Variants in C2orf72 observed in about 807,000 individuals in gnomAD.
C2orf72 encodes chromosome 2 open reading frame 72, also known as uncharacterized protein C2orf72.
A neutral mutation model predicts 14.4 loss-of-function variants in C2orf72; 16 were observed. That is an observed-to-expected ratio of 1.11 (90% confidence interval 0.75 to 1.69). The LOEUF (loss-of-function observed/expected upper bound fraction) is 1.69, where lower values mean the gene tolerates loss of function less well. Among genes scored for constraint, C2orf72 ranks in the 40% most tolerant of loss-of-function variants. C2orf72 has a pLI of 0.00. For synonymous variants in C2orf72, 168 were observed against 176.8 expected (o/e 0.95, Z 0.40); for missense variants, 371 against 358.3 (o/e 1.04, Z -0.29).
rs1404338735 is a variant in C2orf72, at chr2:231,048,923, T to A, written c.*1902T>A. 6.6e-6 allele frequency: 1 copy of A among 152,272 alleles called. No homozygotes were observed. Among genetic ancestry groups the A allele is most frequent in the African/African-American group, 2.4e-5 (1 of 41,476 alleles). The allele number at this position is 152,272 out of a possible 1,614,324, so 9.4% of individuals were successfully genotyped here. On this transcript the variant is annotated 3_prime_UTR_variant, in exon 3 of 3. Coordinates refer to ENST00000373640, the MANE Select transcript of C2orf72 (RefSeq NM_001144994.2). The stretch of plus-strand genomic sequence containing the variant: ...TCTTTGTAATCATCTTATTAAAGTT[T>A]TCTTATTTAGTGGGAGAGGGAGCTT...
At chr2:231,045,292 G>T (rs866407) in intron 2 of C2orf72, among the ~76,000 whole-genome samples, 101,984 of 150,714 alleles carry the variant, frequency 0.68, 35,301 homozygotes, top group Non-Finnish European at 0.76. Flanking sequence ...TATATATATA[G>T]AGAGAGAGAG....
chr2:231,042,936 G>A (rs1379734925), intron 2 of C2orf72, among the ~76,000 whole-genome samples: 7 of 152,354 alleles, frequency 4.6e-5, no homozygotes, highest in African/African-American at 1.7e-4. Flanking sequence ...CCCCGGAGGT[G>A]GAGGTTGCAG....
chr2:231,044,257 A>G (rs1693381135), intron 2 of C2orf72, among the ~76,000 whole-genome samples: 1 of 152,244 alleles, frequency 6.6e-6, no homozygotes, highest in Non-Finnish European at 1.5e-5. Flanking sequence ...TAAACGCAGT[A>G]CACTTAGGCT....
chr2:231,037,709 G>C lies in C2orf72; in HGVS notation c.144G>C (p.Leu48=). 9 of 1,028,312 alleles carry C rather than the reference G, an allele frequency of 8.8e-6. No homozygotes were observed. Among genetic ancestry groups the C allele is most frequent in the Non-Finnish European group, 1.0e-5 (9 of 859,352 alleles). 63.7% of individuals were successfully genotyped at this position (1,028,312 alleles called of 1,614,324 possible). A position where few individuals can be genotyped will look rare whatever the true frequency, so the allele number is the denominator to read the frequency against. Residue 48 remains leucine (L), a synonymous_variant, in exon 1 of 3, where the codon CTG becomes CTC. Transcript: ENST00000373640. ...GGGAGCGCGAACAGAGCCGCGCGCT[G>C]CTGCGGGACTTCGCACGGGCGGTGT... The part of the protein sequence containing the change: ...ELWEREQSRA[L]LRDFARAVFP...
In C2orf72 at chr2:231,038,218, C is replaced by G; in HGVS notation, c.634+19C>G. The G allele has an allele frequency of 8.4e-6, 10 of 1,183,960 alleles. No individual in the cohort carries two copies. The highest frequency in any genetic ancestry group is 1.0e-5 in the Non-Finnish European group (10 of 956,910). The allele number at this position is 1,183,960 out of a possible 1,614,324, so 73.3% of individuals were successfully genotyped here. ...CAACCAGGTGAGACTGCGCGGGGCC[C>G]GGCTGGGCGCGGGCGGGCGGTGGCT... is the stretch of plus-strand genomic sequence containing the variant. On this transcript the variant is annotated intron_variant, in intron 1 of 2. Coordinates refer to ENST00000373640, the MANE Select transcript of C2orf72 (RefSeq NM_001144994.2).
At chr2:231,044,857 A>C (rs1434549405) in intron 2 of C2orf72, among the ~76,000 whole-genome samples, 1 of 149,614 alleles carries the variant, frequency 6.7e-6, no homozygotes, top group Non-Finnish European at 1.5e-5. Context: ...CTTCTTCTGG[A>C]TACCTCTTGA....
chr2:231,038,440 G>T (rs1336907091), intron 1 of C2orf72, among the ~76,000 whole-genome samples: 2 of 151,776 alleles, frequency 1.3e-5, no homozygotes, highest in African/African-American at 4.8e-5. Context: ...AAAGCTGAGG[G>T]GCCGAGTAGA....
rs937957405 is a variant in C2orf72, at chr2:231,047,976, G to A, written c.*955G>A. On this transcript the variant is annotated 3_prime_UTR_variant, in exon 3 of 3. Transcript: ENST00000373640. ...AGGGAATTCCTATAGGCACCAAACA[G>A]AAGGAAAGCTAGGGGCTTGGACTAC... The A allele has an allele frequency of 1.3e-5, 2 of 152,266 alleles. No individual in the cohort carries two copies. The highest frequency in any genetic ancestry group is 4.8e-5 in the African/African-American group (2 of 41,466). The allele number at this position is 152,266 out of a possible 1,614,324, so 9.4% of individuals were successfully genotyped here. A position where few individuals can be genotyped will look rare whatever the true frequency, so the allele number is the denominator to read the frequency against.
intron 1 of C2orf72, 91 bp from the exon 2 acceptor site, chr2:231,041,205 G>A (rs532339134): frequency 2.6e-5 from 23 of 898,940 alleles, no homozygotes; most frequent in African/African-American, 1.4e-4. Context: ...GCAGTTGACC[G>A]TTGGGGCACT....
intron 2 of C2orf72, among the ~76,000 whole-genome samples, chr2:231,046,439 C>G (rs879271759): frequency 2.0e-5 from 3 of 152,060 alleles, no homozygotes; most frequent in Non-Finnish European, 4.4e-5. Context: ...GACATGGAAT[C>G]GGGACACTTT....
intron 1 of C2orf72, among the ~76,000 whole-genome samples, chr2:231,039,321 TAAAAAAA>T (rs11462715): frequency 1.6e-5 from 2 of 126,856 alleles, no homozygotes; most frequent in Non-Finnish European, 3.3e-5. Flanking sequence ...CTTAAAGTAT[TAAAAAAA>T]AAAAAAAAAA....
chr2:231,037,984 C>A lies in C2orf72; in HGVS notation c.419C>A (p.Ala140Glu). Residue 140 changes from alanine to glutamate, a missense_variant, in exon 1 of 3, where the codon GCG (alanine) becomes GAG (glutamate). Coordinates refer to ENST00000373640, the MANE Select transcript of C2orf72 (RefSeq NM_001144994.2). ...GTGCGCGGCCGGCGGCGGGCCGGGGCGGCGCTGGTCGGGGTGCTGGTGGCC... is the reference window on the plus strand; with the variant it reads ...GTGCGCGGCCGGCGGCGGGCCGGGGAGGCGCTGGTCGGGGTGCTGGTGGCC... The part of the protein sequence containing the change: ...RDVRGRRRAG[A>E]ALVGVLVAEA... The A allele has an allele frequency of 9.7e-7, 1 of 1,029,092 alleles. No individual in the cohort carries two copies. The highest frequency in any genetic ancestry group is 1.7e-5 in the African/African-American group (1 of 57,640). The allele number at this position is 1,029,092 out of a possible 1,614,324, so 63.7% of individuals were successfully genotyped here.
chr2:231,042,071 G>A (rs1693351996), intron 2 of C2orf72, among the ~76,000 whole-genome samples: 1 of 152,084 alleles, frequency 6.6e-6, no homozygotes, highest in South Asian at 2.1e-4. Context: ...CACCTAGGAG[G>A]AGGCTGTCGT....
intron 2 of C2orf72, among the ~76,000 whole-genome samples, chr2:231,044,945 T>TTATATATATATATATATA (rs58611878): frequency 0.024 from 3,364 of 141,262 alleles, 49 homozygotes; most frequent in Middle Eastern, 0.034. Flanking sequence ...ATATATATCT[T>TTATATATATATATATATA]TATATATATA....
chr2:231,041,759 T>C (rs1367165312), intron 2 of C2orf72, among the ~76,000 whole-genome samples: 1 of 151,990 alleles, frequency 6.6e-6, no homozygotes, highest in Non-Finnish European at 1.5e-5. Context: ...GCAAGTGATA[T>C]TTGATCCGGG....
At chr2:231,046,495 A>C (rs952402740) in intron 2 of C2orf72, among the ~76,000 whole-genome samples, 3 of 152,178 alleles carry the variant, frequency 2.0e-5, no homozygotes, top group Admixed American at 6.5e-5. Flanking sequence ...ACAAGCAGTA[A>C]GAGAAATCAT....
intron 2 of C2orf72, among the ~76,000 whole-genome samples, chr2:231,045,675 C>T (rs1321177189): frequency 3.3e-5 from 5 of 152,012 alleles, no homozygotes; most frequent in East Asian, 1.9e-4. Context: ...CCCGCCACCA[C>T]GCCCAGCTAA....
At position 231,047,116 on chromosome 2, in the gene C2orf72, C is replaced by A. The variant is rs773876939; in HGVS notation, c.*95C>A. ...CAGGTCTCCATGGAGACTGCAGAAA[C>A]CCCCGCCTGCTGGAGGCCTGCCACA... is the stretch of plus-strand genomic sequence containing the variant. On this transcript the variant is annotated 3_prime_UTR_variant, in exon 3 of 3. Transcript: ENST00000373640. The A allele has an allele frequency of 1.4e-6, 2 of 1,461,920 alleles. No homozygotes were observed. Among genetic ancestry groups the A allele is most frequent in the South Asian group, 2.4e-5 (2 of 81,880 alleles). The allele number at this position is 1,461,920 out of a possible 1,614,324, so 90.6% of individuals were successfully genotyped here. A position where few individuals can be genotyped will look rare whatever the true frequency, so the allele number is the denominator to read the frequency against.
rs566107552 is a variant in C2orf72, at chr2:231,038,363, G to T, written c.634+164G>T. 4.6e-5 allele frequency among the ~76,000 whole-genome samples: 7 copies of T among 152,330 alleles called. No individual in the cohort carries two copies. In the East Asian group the frequency reaches 9.7e-4, roughly 21 times the overall value. ...CCTCGCAGCTAGCGGAGAGCGGGCCGTGCGTAGCGGATCGAGTCTGTCCCG... is the reference window on the plus strand; with the variant it reads ...CCTCGCAGCTAGCGGAGAGCGGGCCTTGCGTAGCGGATCGAGTCTGTCCCG... On this transcript the variant is annotated intron_variant, in intron 1 of 2. Transcript: ENST00000373640.
Sources: allele counts gnomAD v4.1 joint callset (sites outside exome capture counted in the v4.1 genomes callset), GRCh38; gene constraint gnomAD v4.1.1; transcripts MANE v1.5; gene names NCBI Gene and HGNC (gene_info 2026-07-23, HGNC 2026-07-21).